Variants in KALRN observed in about 807,000 individuals in gnomAD.
KALRN encodes kalirin.
KALRN carries 70 observed loss-of-function variants against 353.7 expected under a neutral mutation model. That is an observed-to-expected ratio of 0.20 (90% confidence interval 0.16 to 0.24). KALRN has a LOEUF of 0.24. KALRN is among the 10% of genes least tolerant of loss of function. KALRN has a pLI of 1.00. For synonymous variants in KALRN, 1,391 were observed against 1,434.8 expected (o/e 0.97, Z 0.69); for missense variants, 2,791 against 3,756.7 (o/e 0.74, Z 6.72).
chr3:124,207,472 G>C (rs1261689012), intron 1 of KALRN, among the ~76,000 whole-genome samples: 1 of 152,200 alleles, frequency 6.6e-6, no homozygotes, highest in Non-Finnish European at 1.5e-5. Flanking sequence ...CAAACAGCGT[G>C]TTTGAGGCTG....
intron 32 of KALRN, among the ~76,000 whole-genome samples, chr3:124,496,012 T>TATATACAC (rs1345047394): frequency 4.8e-4 from 21 of 43,676 alleles, no homozygotes; most frequent in East Asian, 1.2e-3. Flanking sequence ...TATATATATA[T>TATATACAC]ACACACACAT....
chr3:124,533,256 T>C (rs1273835447), intron 33 of KALRN, among the ~76,000 whole-genome samples: 2 of 152,014 alleles, frequency 1.3e-5, no homozygotes, highest in African/African-American at 4.8e-5. Context: ...AATTTAAAAA[T>C]TATTTAGCTT....
At chr3:124,550,634 T>A (rs2070368758) in intron 33 of KALRN, among the ~76,000 whole-genome samples, 1 of 152,080 alleles carries the variant, frequency 6.6e-6, no homozygotes, top group Non-Finnish European at 1.5e-5. Context: ...AGTGGCTACT[T>A]AGTGCCACTA....
chr3:124,505,915 G>A (rs945468280), intron 33 of KALRN, among the ~76,000 whole-genome samples: 2 of 152,134 alleles, frequency 1.3e-5, no homozygotes, highest in Non-Finnish European at 2.9e-5. Context: ...TCTTGCCTGG[G>A]TTTCACCTAC....
chr3:124,264,376 G>A, intron 3 of KALRN, 122 bp from the exon 4 acceptor site: 1 of 774,072 alleles, frequency 1.3e-6, no homozygotes, highest in Non-Finnish European at 2.1e-6. Flanking sequence ...CAAGAGACCT[G>A]GCATGAAGTT....
At chr3:124,681,259 A>G (rs142716145) in intron 51 of KALRN, among the ~76,000 whole-genome samples, 1 of 152,332 alleles carries the variant, frequency 6.6e-6, no homozygotes, top group Non-Finnish European at 1.5e-5. Flanking sequence ...TTAGATAAAA[A>G]ACATGTGTGT....
intron 1 of KALRN, among the ~76,000 whole-genome samples, chr3:124,058,433 C>A (rs867078126): frequency 1.3e-5 from 2 of 152,100 alleles, no homozygotes; most frequent in African/African-American, 4.8e-5. Context: ...GTCTTTCTGG[C>A]CGCAAGCAGA....
rs375981809 is a variant in KALRN, at chr3:124,153,513, G to A, written c.74-74477G>A. ...GTGCCACATTTTCTTAATCCAGTCTGTCATTGTTGGACATTTGGGTTGGTT... is the reference window on the plus strand; with the variant it reads ...GTGCCACATTTTCTTAATCCAGTCTATCATTGTTGGACATTTGGGTTGGTT... On this transcript the variant is annotated intron_variant, in intron 1 of 59. Transcript: ENST00000682506. Among the ~76,000 whole-genome samples, 478 of 148,644 alleles carry A rather than the reference G, an allele frequency of 3.2e-3. 2 individuals carry two copies. The highest frequency in any genetic ancestry group is 8.7e-3 in the South Asian group (40 of 4,598).
At chr3:124,401,758 A>G (rs2090906711) in intron 13 of KALRN, among the ~76,000 whole-genome samples, 1 of 152,134 alleles carries the variant, frequency 6.6e-6, no homozygotes, top group South Asian at 2.1e-4. Flanking sequence ...AAGCTTGGGG[A>G]GAATGCTACA....
At chr3:124,206,464 A>AG (rs1224287383) in intron 1 of KALRN, among the ~76,000 whole-genome samples, 1 of 152,234 alleles carries the variant, frequency 6.6e-6, no homozygotes, top group African/African-American at 2.4e-5. Flanking sequence ...CGTGTGCTTC[A>AG]GAAGAGAGAA....
rs887929448 is a variant in KALRN, at chr3:124,064,558, C to T, written c.73+30745C>T. Among the ~76,000 whole-genome samples the T allele has an allele frequency of 5.9e-5, 9 of 152,142 alleles. 1 individual carries two copies. The highest frequency in any genetic ancestry group is 1.3e-4 in the Non-Finnish European group (9 of 68,024). ...AAGGAAGGCAACAGTAACTAAGGCC[C>T]GTTGCCCTTGCTGACCTCCCACCGC... On this transcript the variant is annotated intron_variant, in intron 1 of 59. Transcript: ENST00000682506.
Position 124,674,531 on chromosome 3 carries a change from C to T in KALRN, c.7110C>T (p.Pro2370=), listed in dbSNP as rs146869917. Residue 2370 remains proline, a synonymous_variant, in exon 49 of 60, where the codon CCC becomes CCT. Transcript: ENST00000682506. ...ACCAGCCTGCCAGCGACCATTCCCC[C>T]GCCGCCGAGGGCTGGGTCCCAGGCA... ...LVYQPASDHS[P]AAEGWVPGSI... The T allele has an allele frequency of 1.8e-5, 29 of 1,613,728 alleles. No individual in the cohort carries two copies. Among genetic ancestry groups the T allele is most frequent in the Middle Eastern group, 3.3e-4 (2 of 6,062 alleles).
intron 6 of KALRN, among the ~76,000 whole-genome samples, chr3:124,311,053 A>AGAT (rs1362389020): frequency 3.3e-5 from 4 of 121,056 alleles, no homozygotes; most frequent in African/African-American, 1.1e-4. Flanking sequence ...AACCACAATG[A>AGAT]GATACTACTT....
chr3:124,412,237 T>C (rs1249572564), intron 13 of KALRN, among the ~76,000 whole-genome samples: 2 of 152,136 alleles, frequency 1.3e-5, no homozygotes, highest in African/African-American at 4.8e-5. Flanking sequence ...TCCCTGATGC[T>C]CCTGGAGCAG....
chr3:124,078,824 A>G (rs1442490639), intron 1 of KALRN, among the ~76,000 whole-genome samples: 2 of 152,224 alleles, frequency 1.3e-5, no homozygotes, highest in African/African-American at 2.4e-5. Flanking sequence ...CTCACTCTCA[A>G]CCAAGGCAGT....
chr3:124,365,718 T>C (rs1242072820), intron 10 of KALRN, among the ~76,000 whole-genome samples: 2 of 152,248 alleles, frequency 1.3e-5, no homozygotes, highest in Admixed American at 1.3e-4. Flanking sequence ...CTATATTAGC[T>C]TGTCAGTTTC....
intron 1 of KALRN, among the ~76,000 whole-genome samples, chr3:124,198,028 A>G (rs1001586977): frequency 1.3e-5 from 2 of 152,228 alleles, no homozygotes; most frequent in African/African-American, 4.8e-5. Flanking sequence ...TTAAAAAACA[A>G]TACCACATTT....
rs771870737 is a variant in KALRN, at chr3:124,488,299, T to C, written c.4380T>C (p.His1460=). 5 of 1,611,700 alleles carry C rather than the reference T, an allele frequency of 3.1e-6. No individual in the cohort carries two copies. Among genetic ancestry groups the C allele is most frequent in the Non-Finnish European group, 4.2e-6 (5 of 1,177,794 alleles). ...SVPKKANDAM[H]VSMLEGFDEN... is the part of the protein sequence containing the mutation. Reference sequence around the variant, plus strand: ...CAAAGAAAGCCAATGATGCCATGCATGTCAGCATGCTGGAAGGTAGCTGTC... The same window carrying C: ...CAAAGAAAGCCAATGATGCCATGCACGTCAGCATGCTGGAAGGTAGCTGTC... The change falls in exon 29 of 60, where the codon CAT becomes CAC. Residue 1460 remains histidine (H), a synonymous_variant. Coordinates refer to ENST00000682506, the MANE Select transcript of KALRN (RefSeq NM_001388419.1).
chr3:124,115,626 C>T (rs1332326115), intron 1 of KALRN, among the ~76,000 whole-genome samples: 1 of 152,034 alleles, frequency 6.6e-6, no homozygotes, highest in East Asian at 1.9e-4. Context: ...AGGGTGTGTC[C>T]CTTGATTTAA....
Sources: gnomAD v4.1 joint callset for allele counts (sites outside exome capture counted in the v4.1 genomes callset) on GRCh38, gnomAD v4.1.1 for gene constraint, MANE v1.5 for transcripts, NCBI Gene and HGNC (gene_info 2026-07-23, HGNC 2026-07-21) for gene names.